Variants in TEAD4 observed in about 807,000 individuals in gnomAD.
TEAD4 encodes TEA domain transcription factor 4, also known as transcriptional enhancer factor TEF-3.
TEAD4 carries 36 observed loss-of-function variants against 52.4 expected under a neutral mutation model. The ratio of observed to expected loss-of-function variants is 0.69; its 90% CI spans 0.53 to 0.91. TEAD4 has a LOEUF of 0.91. TEAD4 is among the 40% of genes least tolerant of loss of function. The pLI is 0.00. For missense variants in TEAD4, 508 were observed against 583.9 expected (o/e 0.87, Z 1.34); for synonymous variants, 220 against 231.0 (o/e 0.95, Z 0.43).
chr12:3,001,243 C>T (rs553538508), intron 3 of TEAD4, among the ~76,000 whole-genome samples: 26 of 152,312 alleles, frequency 1.7e-4, no homozygotes, highest in Non-Finnish European at 3.4e-4. Flanking sequence ...GAAAAATATA[C>T]ATTACGTAAA....
At chr12:3,024,295 C>A (rs939559123) in intron 10 of TEAD4, among the ~76,000 whole-genome samples, 6 of 152,116 alleles carry the variant, frequency 3.9e-5, no homozygotes, top group Admixed American at 3.9e-4. Flanking sequence ...CCAGGATGGT[C>A]TCGATCTCCT....
At chr12:3,014,460 C>T (rs572195920) in intron 5 of TEAD4, among the ~76,000 whole-genome samples, 1 of 152,296 alleles carries the variant, frequency 6.6e-6, no homozygotes, top group South Asian at 2.1e-4. Flanking sequence ...ATGTGAGTTG[C>T]CTTGGAGAGA....
chr12:3,015,212 G>A (rs1049482285), intron 5 of TEAD4, among the ~76,000 whole-genome samples: 9 of 152,034 alleles, frequency 5.9e-5, no homozygotes, highest in African/African-American at 1.4e-4. Flanking sequence ...ACTCCCCACC[G>A]CCCTCTATGG....
At chr12:2,983,097 T>G (rs2098235431) in intron 2 of TEAD4, among the ~76,000 whole-genome samples, 1 of 152,136 alleles carries the variant, frequency 6.6e-6, no homozygotes, top group South Asian at 2.1e-4. Context: ...CATCCATCTG[T>G]ACTTAGTGTC....
intron 9 of TEAD4, 79 bp from the exon 10 acceptor site, chr12:3,021,762 CGTG>C (rs2098268858): frequency 6.7e-7 from 1 of 1,489,630 alleles, no homozygotes; most frequent in Non-Finnish European, 9.1e-7. Flanking sequence ...CACCAGGTCA[CGTG>C]GTGGGCACGC....
intron 2 of TEAD4, among the ~76,000 whole-genome samples, chr12:2,962,883 C>T (rs1039665163): frequency 2.0e-5 from 3 of 152,118 alleles, no homozygotes; most frequent in African/African-American, 4.8e-5. Flanking sequence ...CTCCCCTTGG[C>T]GTTCTGTCTC....
At chr12:2,961,916 C>T (rs1305416784) in intron 2 of TEAD4, among the ~76,000 whole-genome samples, 1 of 151,988 alleles carries the variant, frequency 6.6e-6, no homozygotes, top group Non-Finnish European at 1.5e-5. Flanking sequence ...CTGTGTTCCG[C>T]GTCCTTAGGA....
At chr12:2,981,431 G>T (rs549972422) in intron 2 of TEAD4, among the ~76,000 whole-genome samples, 1 of 152,362 alleles carries the variant, frequency 6.6e-6, no homozygotes, top group African/African-American at 2.4e-5. Flanking sequence ...CAGGCAATCA[G>T]TGTAGCAGCT....
At chr12:2,988,605 G>T (rs1311623305) in intron 2 of TEAD4, among the ~76,000 whole-genome samples, 2 of 151,530 alleles carry the variant, frequency 1.3e-5, no homozygotes, top group African/African-American at 4.8e-5. Flanking sequence ...GTGTCTTTTT[G>T]TATGCTAATG....
intron 11 of TEAD4, among the ~76,000 whole-genome samples, chr12:3,038,681 C>T (rs1019887854): frequency 1.3e-5 from 2 of 152,234 alleles, no homozygotes; most frequent in Non-Finnish European, 2.9e-5. Flanking sequence ...AAGGGCAGTG[C>T]AGGGCAGTGG....
At chr12:2,997,193 T>C (rs375092036) in intron 3 of TEAD4, among the ~76,000 whole-genome samples, 6 of 152,242 alleles carry the variant, frequency 3.9e-5, no homozygotes, top group African/African-American at 1.2e-4. Flanking sequence ...AGGAGTTACA[T>C]TGCAGCTAGC....
chr12:3,030,957 A>G (rs1320731997), intron 10 of TEAD4, among the ~76,000 whole-genome samples: 8 of 152,232 alleles, frequency 5.3e-5, no homozygotes, highest in Non-Finnish European at 1.5e-5. Flanking sequence ...TCTGGCACCC[A>G]GACTGGAAGC....
At chr12:3,015,730 A>C (rs1212498961) in intron 5 of TEAD4, among the ~76,000 whole-genome samples, 2 of 152,150 alleles carry the variant, frequency 1.3e-5, no homozygotes, top group African/African-American at 4.8e-5. Context: ...GTCACAGCTC[A>C]CTGCAGCCTC....
At chr12:2,982,971 A>G (rs914385689) in intron 2 of TEAD4, among the ~76,000 whole-genome samples, 1 of 152,086 alleles carries the variant, frequency 6.6e-6, no homozygotes, top group African/African-American at 2.4e-5. Context: ...GGGAATTCTG[A>G]GGAGGAGCAG....
Position 2,994,986 on chromosome 12 carries a change from A to G in TEAD4, c.220A>G (p.Met74Val). Residue 74 changes from methionine (M) to valine (V), a missense_variant, in exon 3 of 13, where the codon ATG (methionine) becomes GTG (valine). Coordinates refer to ENST00000359864, the MANE Select transcript of TEAD4 (RefSeq NM_003213.4). This position sits in a 1 kb window ranked among gnomAD's most constrained non-coding sequence, Gnocchi z 4.7. ...AATCATCCTGTCGGACGAGGGCAAG[A>G]TGTATGGTAAGGAGCCCGTCGGGTT... is the stretch of plus-strand genomic sequence containing the variant. 6.2e-7 allele frequency: 1 copy of G among 1,613,742 alleles called. No individual in the cohort carries two copies. Among genetic ancestry groups the G allele is most frequent in the Non-Finnish European group, 8.5e-7 (1 of 1,179,868 alleles).
intron 2 of TEAD4, among the ~76,000 whole-genome samples, chr12:2,985,952 C>T (rs1031288663): frequency 1.3e-5 from 2 of 151,660 alleles, no homozygotes; most frequent in Admixed American, 6.6e-5. Context: ...CCAGGCATGG[C>T]GGCGGTTGCC....
intron 2 of TEAD4, among the ~76,000 whole-genome samples, chr12:2,990,257 C>T (rs543371787): frequency 3.4e-4 from 51 of 152,050 alleles, no homozygotes; most frequent in African/African-American, 1.2e-3. Flanking sequence ...TTTACAATTC[C>T]TTATTTAGGT....
intron 10 of TEAD4, among the ~76,000 whole-genome samples, chr12:3,035,265 T>C (rs2098278668): frequency 6.6e-6 from 1 of 152,224 alleles, no homozygotes. Flanking sequence ...AATGTGGCAT[T>C]GATCAGAGGG....
At chr12:3,024,161 G>A (rs10774096) in intron 10 of TEAD4, among the ~76,000 whole-genome samples, 105,860 of 151,108 alleles carry the variant, frequency 0.7, 38,528 homozygotes, top group East Asian at 0.97. Flanking sequence ...TGCAAGCTCC[G>A]CCTCCCGGGT....
Sources: allele counts gnomAD v4.1 joint callset (sites outside exome capture counted in the v4.1 genomes callset), GRCh38; gene constraint gnomAD v4.1.1; non-coding constraint Gnocchi (gnomAD v3.1); transcripts MANE v1.5; gene names NCBI Gene and HGNC (gene_info 2026-07-23, HGNC 2026-07-21).